The following WIPF2 variants were observed in gnomAD, a reference collection of about 807,000 sequenced individuals.
WIPF2 encodes the protein WAS/WASL-interacting protein family member 2.
WIPF2 carries 23 observed loss-of-function variants against 38.8 expected under a neutral mutation model. The ratio of observed to expected loss-of-function variants is 0.59; its 90% confidence interval spans 0.43 to 0.84. WIPF2 has a LOEUF of 0.84. Among genes scored for constraint, WIPF2 ranks in the 40% least tolerant of loss-of-function variants. The probability of loss-of-function intolerance (pLI) is 0.00; values close to 1 mark genes in which losing one functional copy is unlikely to be tolerated. For synonymous variants in WIPF2, 210 were observed against 223.2 expected, an observed-to-expected ratio of 0.94 and a Z score of 0.53; for missense variants, 574 against 580.5, an observed-to-expected ratio of 0.99 and a Z score of 0.11.
chr17:40,269,041 G>A (rs566408364), intron 5 of WIPF2, among the ~76,000 whole-genome samples: 6 of 151,864 alleles, frequency 4.0e-5, no homozygotes, highest in Non-Finnish European at 4.4e-5. Flanking sequence ...AAACTAGGCC[G>A]GGTGCAGTGG....
At chr17:40,251,280 A>C (rs1173280062) in intron 1 of WIPF2, among the ~76,000 whole-genome samples, 1 of 151,786 alleles carries the variant, frequency 6.6e-6, no homozygotes, top group East Asian at 1.9e-4. Context: ...TTGATTAATC[A>C]CAGTTGGTTA....
At chr17:40,225,949 C>CA (rs928892337) in intron 1 of WIPF2, among the ~76,000 whole-genome samples, 4 of 151,416 alleles carry the variant, frequency 2.6e-5, no homozygotes, top group African/African-American at 4.9e-5. Flanking sequence ...AATTGATTTT[C>CA]AAAAAAAATT....
intron 1 of WIPF2, among the ~76,000 whole-genome samples, chr17:40,240,103 C>G (rs1473500673): frequency 6.6e-6 from 1 of 151,678 alleles, no homozygotes; most frequent in East Asian, 1.9e-4. Context: ...GCTCTGTTGC[C>G]CGGGCTGGAG....
chr17:40,283,660 G>C lies in WIPF2; in HGVS notation c.*5435G>C, dbSNP rs1382893247. The C allele has an allele frequency of 6.6e-6, 1 of 152,166 alleles. No individual in the cohort carries two copies. Among genetic ancestry groups the C allele is most frequent in the African/African-American group, 2.4e-5 (1 of 41,426 alleles). The allele number at this position is 152,166 out of a possible 1,614,324, so 9.4% of individuals were successfully genotyped here. ...GAATCTCTTATAATTCTTTCTACCTGTGTTGCATGGCAGATTCTCAGATTG... is the reference window on the plus strand; with the variant it reads ...GAATCTCTTATAATTCTTTCTACCTCTGTTGCATGGCAGATTCTCAGATTG... On this transcript the variant is annotated 3_prime_UTR_variant, in exon 8 of 8. Transcript: ENST00000323571.
chr17:40,252,537 G>A (rs1036869770), intron 1 of WIPF2, among the ~76,000 whole-genome samples: 2 of 151,846 alleles, frequency 1.3e-5, no homozygotes, highest in Admixed American at 6.6e-5. Flanking sequence ...GGTGGCATGC[G>A]CCTGTAGTCC....
At chr17:40,250,692 G>A (rs914465694) in intron 1 of WIPF2, among the ~76,000 whole-genome samples, 10 of 151,946 alleles carry the variant, frequency 6.6e-5, no homozygotes, top group African/African-American at 1.9e-4. Context: ...TAATTTAATA[G>A]ATCAGAAAGG....
chr17:40,274,557 GAAAAAAAAAAAA>G lies in WIPF2; in HGVS notation c.1180+578_1180+589del, dbSNP rs571085371. 5.4e-3 allele frequency among the ~76,000 whole-genome samples: 134 copies of G among 24,782 alleles called. 2 individuals carry two copies. The highest frequency in any genetic ancestry group is 0.016 in the African/African-American group (109 of 6,828). 16.3% of individuals were successfully genotyped at this position (24,782 alleles called of 152,430 possible). On this transcript the variant is annotated intron_variant, in intron 6 of 7. Coordinates refer to ENST00000323571, the MANE Select transcript of WIPF2 (RefSeq NM_133264.5). ...CATCCAGCCTTTCCTTGGAATTCTT[GAAAAAAAAAAAA>G]AAAAAAAAAAAAAAAAAAAGAAAAG...
chr17:40,242,367 C>CAAGG (rs1048955991), intron 1 of WIPF2, among the ~76,000 whole-genome samples: 5 of 152,010 alleles, frequency 3.3e-5, no homozygotes, highest in Non-Finnish European at 5.9e-5. Flanking sequence ...GACCCTTTCT[C>CAAGG]AAGGAAGAAA....
intron 1 of WIPF2, among the ~76,000 whole-genome samples, chr17:40,248,319 C>T (rs749777449): frequency 1.3e-5 from 2 of 151,604 alleles, no homozygotes; most frequent in Non-Finnish European, 2.9e-5. Flanking sequence ...CACCCGCCAC[C>T]GTGCCTGGCT....
chr17:40,233,658 G>A (rs2030840858), intron 1 of WIPF2, among the ~76,000 whole-genome samples: 1 of 152,028 alleles, frequency 6.6e-6, no homozygotes, highest in Non-Finnish European at 1.5e-5. Flanking sequence ...TATCTGTTGA[G>A]GCTGAAGGTG....
intron 1 of WIPF2, among the ~76,000 whole-genome samples, chr17:40,252,769 GTT>G (rs1192585223): frequency 1.4e-5 from 2 of 145,042 alleles, no homozygotes; most frequent in Admixed American, 6.9e-5. Flanking sequence ...GGTTTGTTTG[GTT>G]TTTTTTTTTG....
At chr17:40,240,026 C>T (rs556448739) in intron 1 of WIPF2, among the ~76,000 whole-genome samples, 9 of 151,414 alleles carry the variant, frequency 5.9e-5, no homozygotes, top group Non-Finnish European at 1.2e-4. Flanking sequence ...TGCCTGGCAG[C>T]ATGGGGAGGG....
At chr17:40,265,483 C>G (rs145321683) in intron 5 of WIPF2, among the ~76,000 whole-genome samples, 3 of 151,994 alleles carry the variant, frequency 2.0e-5, no homozygotes, top group African/African-American at 7.3e-5. Flanking sequence ...CTTACTGATA[C>G]GGTGAAAATT....
intron 1 of WIPF2, among the ~76,000 whole-genome samples, chr17:40,223,596 T>G (rs9901109): frequency 0.11 from 16,457 of 145,362 alleles, 1,135 homozygotes; most frequent in East Asian, 0.27. Flanking sequence ...AATTTTTTTT[T>G]GGGTTTTTTT....
In WIPF2 at chr17:40,283,011, ACC is replaced by A. The variant is rs2032583893; in HGVS notation, c.*4789_*4790del. On this transcript the variant is annotated 3_prime_UTR_variant, in exon 8 of 8. Coordinates refer to ENST00000323571, the MANE Select transcript of WIPF2 (RefSeq NM_133264.5). ...AGACCAGCTTGGCCAACATGGTGAAACCCCGTCTCTACTGAAAATACAAAAAT... is the reference window on the plus strand; with the variant it reads ...AGACCAGCTTGGCCAACATGGTGAAACCGTCTCTACTGAAAATACAAAAAT... 6.6e-6 allele frequency: 1 copy of A among 151,782 alleles called. No homozygotes were observed. The highest frequency in any genetic ancestry group is 2.4e-5 in the African/African-American group (1 of 41,282). 9.4% of individuals were successfully genotyped at this position (151,782 alleles called of 1,614,324 possible).
chr17:40,269,200 A>G (rs2032177426), intron 5 of WIPF2, among the ~76,000 whole-genome samples: 1 of 152,144 alleles, frequency 6.6e-6, no homozygotes, highest in African/African-American at 2.4e-5. Context: ...GGTGCCTGTA[A>G]TCCCAGCTAC....
chr17:40,220,589 A>ATATATATATATATATG, intron 1 of WIPF2: 1 of 71,676 alleles, frequency 1.4e-5, no homozygotes, highest in Non-Finnish European at 2.6e-5. Flanking sequence ...ATATATATAT[A>ATATATATATATATATG]TATATATATA....
intron 5 of WIPF2, among the ~76,000 whole-genome samples, chr17:40,271,025 T>C (rs1165761866): frequency 6.6e-6 from 1 of 152,088 alleles, no homozygotes; most frequent in African/African-American, 2.4e-5. Flanking sequence ...CAGGCTGGAG[T>C]GCAGTGGCGC....
intron 2 of WIPF2, 54 bp downstream of exon 2, chr17:40,256,576 G>T: frequency 6.5e-7 from 1 of 1,532,746 alleles, no homozygotes; most frequent in East Asian, 2.5e-5. Flanking sequence ...ATAGGTTGAT[G>T]GTCCTCACAT....
Sources: gnomAD v4.1 joint callset for allele counts (sites outside exome capture counted in the v4.1 genomes callset) on GRCh38, gnomAD v4.1.1 for gene constraint, MANE v1.5 for transcripts, NCBI Gene and HGNC (gene_info 2026-07-23, HGNC 2026-07-21) for gene names.